CEP128: variants seen among roughly 807,000 people sequenced by gnomAD.
The protein encoded by CEP128 is centrosomal protein 128.
Under a neutral mutation model 156.7 loss-of-function variants are expected in CEP128, and 132 were observed. The observed-to-expected ratio is 0.84, with a 90% CI of 0.73 to 0.97. CEP128 has a LOEUF of 0.97. Ranked by LOEUF, CEP128 falls within the 50% of genes least tolerant of loss-of-function variation. The pLI is 0.00. For synonymous variants in CEP128, 469 were observed against 448.9 expected (o/e 1.04, Z -0.57); for missense variants, 1,252 against 1,281.9 (o/e 0.98, Z 0.36).
At chr14:80,722,821 CTTTTTT>C in intron 19 of CEP128, among the ~76,000 whole-genome samples, 1 of 103,946 alleles carries the variant, frequency 9.6e-6, no homozygotes, top group South Asian at 3.3e-4. Flanking sequence ...TACTCTTTAT[CTTTTTT>C]TTTTTTTTTT....
chr14:80,810,015 A>T (rs79474033), intron 13 of CEP128, among the ~76,000 whole-genome samples: 4,064 of 152,176 alleles, frequency 0.027, 180 homozygotes, highest in African/African-American at 0.092. Context: ...TAAGCAAAAA[A>T]GAAAGGAATA....
chr14:80,714,239 A>G (rs1897518527), intron 19 of CEP128, among the ~76,000 whole-genome samples: 1 of 152,142 alleles, frequency 6.6e-6, no homozygotes, highest in South Asian at 2.1e-4. Context: ...TTGTGCATAC[A>G]CTTGGAATTT....
intron 14 of CEP128, among the ~76,000 whole-genome samples, chr14:80,791,353 T>A (rs1007629163): frequency 2.0e-5 from 3 of 152,152 alleles, no homozygotes; most frequent in Admixed American, 2.0e-4. Context: ...GTGATAAAAA[T>A]AATTGGAAGT....
chr14:80,799,401 A>G (rs1249713429), intron 13 of CEP128, among the ~76,000 whole-genome samples: 1 of 152,180 alleles, frequency 6.6e-6, no homozygotes, highest in Non-Finnish European at 1.5e-5. Context: ...GTACAGATTG[A>G]TTGTAAAATA....
intron 15 of CEP128, among the ~76,000 whole-genome samples, chr14:80,779,712 T>G (rs2139779048): frequency 6.6e-6 from 1 of 152,110 alleles, no homozygotes; most frequent in South Asian, 2.1e-4. Context: ...AAATCAAGGG[T>G]TTTCCACCCA....
At chr14:80,724,043 G>A (rs1006903844) in intron 19 of CEP128, among the ~76,000 whole-genome samples, 30 of 152,264 alleles carry the variant, frequency 2.0e-4, no homozygotes, top group African/African-American at 7.2e-4. Flanking sequence ...TTTAATAATT[G>A]AGTACCATAA....
intron 24 of CEP128, among the ~76,000 whole-genome samples, chr14:80,499,962 G>A (rs7144755): frequency 0.75 from 113,976 of 152,062 alleles, 45,377 homozygotes; most frequent in Non-Finnish European, 0.87. Context: ...ACTTCCAGCA[G>A]GCCAGGATAA....
intron 19 of CEP128, among the ~76,000 whole-genome samples, chr14:80,619,624 C>A (rs1013243881): frequency 6.6e-6 from 1 of 150,880 alleles, no homozygotes; most frequent in South Asian, 2.1e-4. Context: ...ATCACTTGAA[C>A]CTGGGAGGCA....
At chr14:80,678,049 A>AATATATATATATATATATACATATGTAT (rs1555390205) in intron 19 of CEP128, among the ~76,000 whole-genome samples, 3 of 98,500 alleles carry the variant, frequency 3.0e-5, no homozygotes, top group African/African-American at 9.5e-5. Context: ...ATAAAAAAAA[A>AATATATATATATATATATACATATGTAT]ATATATATAT....
At chr14:80,643,842 C>T (rs1281028644) in intron 19 of CEP128, among the ~76,000 whole-genome samples, 1 of 152,160 alleles carries the variant, frequency 6.6e-6, no homozygotes, top group East Asian at 1.9e-4. Flanking sequence ...GTTCAGCTCA[C>T]ACTAAGTAAA....
At chr14:80,533,899 G>A (rs1004065695) in intron 21 of CEP128, among the ~76,000 whole-genome samples, 7 of 151,990 alleles carry the variant, frequency 4.6e-5, no homozygotes, top group South Asian at 4.2e-4. Context: ...GATGGCATAC[G>A]TCCTGTTCTT....
chr14:80,919,194 A>C (rs1884718491), intron 2 of CEP128, among the ~76,000 whole-genome samples: 1 of 152,202 alleles, frequency 6.6e-6, no homozygotes, highest in Non-Finnish European at 1.5e-5. Context: ...GAGTATCAAA[A>C]TTTTAATAAT....
At chr14:80,935,767 C>T (rs988962824) in intron 2 of CEP128, among the ~76,000 whole-genome samples, 1 of 150,802 alleles carries the variant, frequency 6.6e-6, no homozygotes, top group Non-Finnish European at 1.5e-5. Context: ...ATGGTAGAAG[C>T]CAAAATAAGC....
At chr14:80,918,129 G>A (rs1011085036) in intron 2 of CEP128, among the ~76,000 whole-genome samples, 1 of 152,152 alleles carries the variant, frequency 6.6e-6, no homozygotes, top group Admixed American at 6.5e-5. Flanking sequence ...AAGGAAACAT[G>A]AACAAGAAAT....
At chr14:80,661,576 T>A (rs1895405127) in intron 19 of CEP128, among the ~76,000 whole-genome samples, 1 of 152,214 alleles carries the variant, frequency 6.6e-6, no homozygotes, top group South Asian at 2.1e-4. Flanking sequence ...GTCAAATTAT[T>A]TGTAAGAACT....
At chr14:80,631,330 A>G (rs1893950639) in intron 19 of CEP128, among the ~76,000 whole-genome samples, 1 of 151,986 alleles carries the variant, frequency 6.6e-6, no homozygotes, top group Non-Finnish European at 1.5e-5. Context: ...CAATTGCATG[A>G]TATATAGGAA....
At chr14:80,873,923 G>A (rs1346655207) in intron 8 of CEP128, among the ~76,000 whole-genome samples, 4 of 152,068 alleles carry the variant, frequency 2.6e-5, no homozygotes, top group East Asian at 1.9e-4. Context: ...TTTGCCTGCT[G>A]TCATCCATGT....
At chr14:80,681,709 G>T (rs575686711) in intron 19 of CEP128, among the ~76,000 whole-genome samples, 1 of 152,168 alleles carries the variant, frequency 6.6e-6, no homozygotes, top group African/African-American at 2.4e-5. Flanking sequence ...GCCTTCCGCC[G>T]TGATTGTAAG....
intron 19 of CEP128, among the ~76,000 whole-genome samples, chr14:80,702,474 A>C (rs1897106820): frequency 2.0e-5 from 3 of 152,154 alleles, no homozygotes. Context: ...CCCTGGACTG[A>C]GTGATGTCTA....
Sources: allele counts gnomAD v4.1 joint callset (sites outside exome capture counted in the v4.1 genomes callset), GRCh38; gene constraint gnomAD v4.1.1; transcripts MANE v1.5; gene names NCBI Gene and HGNC (gene_info 2026-07-23, HGNC 2026-07-21).